ZYG11A: variants seen among roughly 807,000 people sequenced by gnomAD.
ZYG11A encodes protein zyg-11 homolog A.
In ZYG11A, 62 loss-of-function variants were observed where a neutral mutation model predicts 77.2. The observed-to-expected ratio is 0.80, with a 90% CI of 0.65 to 0.99. The LOEUF is 0.99. Ranked by LOEUF, ZYG11A falls within the 50% of genes least tolerant of loss-of-function variation. ZYG11A has a pLI of 0.00. For missense variants in ZYG11A, 828 were observed against 896.8 expected, an observed-to-expected ratio of 0.92 and a Z score of 0.98; for synonymous variants, 315 against 324.6, an observed-to-expected ratio of 0.97 and a Z score of 0.32.
intron 1 of ZYG11A, 94 bp from the exon 2 acceptor site, chr1:52,854,371 T>C (rs775941468): frequency 8.7e-7 from 1 of 1,154,064 alleles, no homozygotes; most frequent in Non-Finnish European, 1.2e-6. Flanking sequence ...CTTCAGATAC[T>C]CTCATCAAGT....
chr1:52,856,973 C>A, intron 2 of ZYG11A, 25 bp from the exon 3 acceptor site: 1 of 1,497,830 alleles, frequency 6.7e-7, no homozygotes, highest in Non-Finnish European at 8.9e-7. Context: ...GTTGTCATTA[C>A]AAGTTGGTTC....
chr1:52,849,089 G>T (rs902578788), intron 1 of ZYG11A, among the ~76,000 whole-genome samples: 1 of 151,184 alleles, frequency 6.6e-6, no homozygotes, highest in Admixed American at 6.6e-5. Flanking sequence ...TTTTGAGACC[G>T]AGTCTCACTC....
rs1267675035 is a variant in ZYG11A, at chr1:52,842,827, A to C, written c.-57A>C. On this transcript the variant is annotated 5_prime_UTR_variant, in exon 1 of 14. Transcript: ENST00000371528. ...CAGCCGCCCGCTTGGTTCTCGCGGG[A>C]TCCGGGCTCCGGCTCGACGCCGGCT... 3 of 1,493,702 alleles carry C rather than the reference A, an allele frequency of 2.0e-6. No individual in the cohort carries two copies. Among genetic ancestry groups the C allele is most frequent in the Non-Finnish European group, 9.0e-7 (1 of 1,110,708 alleles). 92.5% of individuals were successfully genotyped at this position (1,493,702 alleles called of 1,614,324 possible).
In ZYG11A at chr1:52,881,263, G is replaced by T. The variant is rs1646357224; in HGVS notation, c.1750-208G>T. The T allele has an allele frequency of 9.1e-6, 4 of 441,688 alleles. No individual in the cohort carries two copies. The South Asian group carries it at 1.9e-4, about 21-fold the overall frequency. The allele number at this position is 441,688 out of a possible 1,614,324, so 27.4% of individuals were successfully genotyped here. A position where few individuals can be genotyped will look rare whatever the true frequency, so the allele number is the denominator to read the frequency against. ...TATCTAGTACTGTGCCTGGCACTTAGTAAGTACTTATTTAGTGATTGTTGT... is the reference window on the plus strand; with the variant it reads ...TATCTAGTACTGTGCCTGGCACTTATTAAGTACTTATTTAGTGATTGTTGT... On this transcript the variant is annotated intron_variant, in intron 10 of 13. Coordinates refer to ENST00000371528, the MANE Select transcript of ZYG11A (RefSeq NM_001004339.3).
intron 13 of ZYG11A, among the ~76,000 whole-genome samples, chr1:52,891,507 C>G (rs1646542955): frequency 6.6e-6 from 1 of 151,710 alleles, no homozygotes; most frequent in Admixed American, 6.6e-5. Context: ...GGCTTGTGCT[C>G]GTTTTTTTAT....
At chr1:52,850,665 A>G (rs1156694764) in intron 1 of ZYG11A, among the ~76,000 whole-genome samples, 1 of 152,134 alleles carries the variant, frequency 6.6e-6, no homozygotes, top group Non-Finnish European at 1.5e-5. Flanking sequence ...CATGTTGGCT[A>G]GGATGGTCTG....
intron 2 of ZYG11A, among the ~76,000 whole-genome samples, chr1:52,856,379 G>T (rs554567714): frequency 6.7e-6 from 1 of 149,198 alleles, no homozygotes; most frequent in Non-Finnish European, 1.5e-5. Context: ...CAAGGGAATC[G>T]CTTGAACTTG....
At position 52,869,984 on chromosome 1, in the gene ZYG11A, C is replaced by G. The variant is rs1030481677; in HGVS notation, c.1542+2207C>G. 4.0e-5 allele frequency among the ~76,000 whole-genome samples: 6 copies of G among 151,366 alleles called. 1 individual carries two copies. Among genetic ancestry groups the G allele is most frequent in the Non-Finnish European group, 7.4e-5 (5 of 67,648 alleles). ...GGCTGACCCCCCCCCACCCCCCTCC[C>G]GGGCGGGGCGGCTGCCGGGTGGAGG... On this transcript the variant is annotated intron_variant, in intron 8 of 13. Transcript: ENST00000371528.
chr1:52,867,824 T>C, intron 8 of ZYG11A, 47 bp downstream of exon 8: 1 of 1,461,212 alleles, frequency 6.8e-7, no homozygotes, highest in Non-Finnish European at 9.3e-7. Context: ...AAAAGTCAAA[T>C]TTATGATTAT....
intron 8 of ZYG11A, among the ~76,000 whole-genome samples, chr1:52,869,868 C>CA (rs1646109803): frequency 7.3e-6 from 1 of 137,560 alleles, no homozygotes; most frequent in Non-Finnish European, 1.6e-5. Context: ...CTGACCCCCC[C>CA]ACACCTCCCT....
intron 1 of ZYG11A, among the ~76,000 whole-genome samples, chr1:52,844,172 T>A (rs77879994): frequency 0.026 from 3,997 of 152,258 alleles, 137 homozygotes; most frequent in Middle Eastern, 0.13. Context: ...GGGCCACCCT[T>A]GGGGAACTCG....
chr1:52,850,645 G>A (rs1418582485), intron 1 of ZYG11A, among the ~76,000 whole-genome samples: 6 of 152,100 alleles, frequency 3.9e-5, no homozygotes, highest in African/African-American at 1.4e-4. Flanking sequence ...TAATAGAGAC[G>A]GGGTTTCACC....
At chr1:52,886,138 T>A (rs138582100) in intron 12 of ZYG11A, among the ~76,000 whole-genome samples, 1 of 152,060 alleles carries the variant, frequency 6.6e-6, no homozygotes, top group Non-Finnish European at 1.5e-5. Context: ...TTCACCATGT[T>A]AGCCAGGATG....
chr1:52,882,482 TG>T (rs1039727162), intron 11 of ZYG11A, among the ~76,000 whole-genome samples: 4 of 152,228 alleles, frequency 2.6e-5, no homozygotes, highest in Admixed American at 2.0e-4. Context: ...TCTCTTGTGT[TG>T]GATTCCGTGT....
chr1:52,877,883 C>T, intron 9 of ZYG11A, 40 bp downstream of exon 9: 1 of 1,551,102 alleles, frequency 6.4e-7, no homozygotes, highest in Non-Finnish European at 8.7e-7. Flanking sequence ...AAGTTCTTCT[C>T]TTCATGATAA....
chr1:52,869,739 C>T (rs994051310), intron 8 of ZYG11A, among the ~76,000 whole-genome samples: 4 of 151,918 alleles, frequency 2.6e-5, no homozygotes, highest in African/African-American at 4.8e-5. Flanking sequence ...CATCATGGCC[C>T]GTTCTCAATG....
At chr1:52,867,890 A>G (rs1256465941) in intron 8 of ZYG11A, 113 bp downstream of exon 8, 6 of 822,118 alleles carry the variant, frequency 7.3e-6, no homozygotes, top group Non-Finnish European at 1.1e-5. Flanking sequence ...AGAAATCTGT[A>G]AGACTTTCTC....
chr1:52,861,716 G>A (rs1280787607), intron 4 of ZYG11A, among the ~76,000 whole-genome samples: 1 of 151,802 alleles, frequency 6.6e-6, no homozygotes, highest in Non-Finnish European at 1.5e-5. Context: ...TATTTTTACA[G>A]CATGGGAGAT....
At chr1:52,869,933 C>CGG (rs1557445485) in intron 8 of ZYG11A, among the ~76,000 whole-genome samples, 18 of 53,096 alleles carry the variant, frequency 3.4e-4, no homozygotes, top group Non-Finnish European at 7.4e-4. Flanking sequence ...ACCTCCCTCC[C>CGG]AGACAGGGTG....
Sources: allele counts gnomAD v4.1 joint callset (sites outside exome capture counted in the v4.1 genomes callset), GRCh38; gene constraint gnomAD v4.1.1; transcripts MANE v1.5; gene names NCBI Gene and HGNC (gene_info 2026-07-23, HGNC 2026-07-21).